The following GRIK1 variants were observed in gnomAD, a reference collection of about 807,000 sequenced individuals.
GRIK1 encodes the protein glutamate ionotropic receptor kainate type subunit 1, also known as glutamate receptor ionotropic, kainate 1.
GRIK1 carries 69 observed loss-of-function variants against 105.7 expected under a neutral mutation model. The ratio of observed to expected loss-of-function variants is 0.65; its 90% CI spans 0.54 to 0.80. The LOEUF is 0.80. GRIK1 is among the 30% of genes least tolerant of loss of function. The probability of loss-of-function intolerance (pLI) is 0.00; values close to 1 mark genes in which losing one functional copy is unlikely to be tolerated. For missense variants in GRIK1, 1,109 were observed against 1,167.3 expected, an observed-to-expected ratio of 0.95 and a Z score of 0.73; for synonymous variants, 438 against 431.3, an observed-to-expected ratio of 1.02 and a Z score of -0.19.
intron 1 of GRIK1, among the ~76,000 whole-genome samples, chr21:29,874,497 G>A (rs755287436): frequency 2.0e-5 from 3 of 152,110 alleles, no homozygotes; most frequent in African/African-American, 4.8e-5. Context: ...AACAAAATGC[G>A]AACAATGGAG....
intron 1 of GRIK1, among the ~76,000 whole-genome samples, chr21:29,774,657 G>A (rs1472088361): frequency 7.2e-5 from 11 of 151,964 alleles, no homozygotes; most frequent in Admixed American, 6.6e-4. Context: ...TTACCATATT[G>A]GCCAGGCTGG....
At chr21:29,752,125 T>G (rs774395341) in intron 1 of GRIK1, among the ~76,000 whole-genome samples, 4 of 152,218 alleles carry the variant, frequency 2.6e-5, no homozygotes, top group African/African-American at 9.6e-5. Flanking sequence ...TTCAAGAAGA[T>G]GCTGGTTTTT....
rs199847218 is a variant in GRIK1, at chr21:29,548,103, G to A, written c.2607+6949C>T. Among the ~76,000 whole-genome samples, 9 of 152,260 alleles carry A rather than the reference G, an allele frequency of 5.9e-5. No individual in the cohort carries two copies. In the East Asian group the frequency reaches 1.7e-3, roughly 29 times the overall value. ...ATTAAAATATTTTAGTTGCTAGGGGGAAATACAGTAACTTTATTCCATCAT... is the reference window on the plus strand; with the variant it reads ...ATTAAAATATTTTAGTTGCTAGGGGAAAATACAGTAACTTTATTCCATCAT... On this transcript the variant is annotated intron_variant, in intron 16 of 17. Coordinates refer to ENST00000327783, the MANE Select transcript of GRIK1 (RefSeq NM_001330994.2).
chr21:29,932,399 G>T (rs553370434), intron 1 of GRIK1, among the ~76,000 whole-genome samples: 67 of 152,116 alleles, frequency 4.4e-4, no homozygotes, highest in African/African-American at 1.6e-3. Flanking sequence ...AGATTCCTAA[G>T]TTTTTAATAA....
At chr21:29,757,173 T>G (rs1208574963) in intron 1 of GRIK1, among the ~76,000 whole-genome samples, 4 of 152,084 alleles carry the variant, frequency 2.6e-5, no homozygotes, top group South Asian at 4.1e-4. Context: ...TGCGAACCAG[T>G]GACTGAAATG....
At chr21:29,553,439 A>T in intron 16 of GRIK1, 1 of 1,405,582 alleles carries the variant, frequency 7.1e-7, no homozygotes. Flanking sequence ...GAGTTTTGCT[A>T]TCCTAAAGGA....
chr21:29,846,386 C>CA (rs1201201107), intron 1 of GRIK1, among the ~76,000 whole-genome samples: 2,963 of 34,082 alleles, frequency 0.087, 56 homozygotes, highest in South Asian at 0.21. Flanking sequence ...GAAACTCAGT[C>CA]AAAAAAAAAA....
At chr21:29,591,341 G>A (rs2061331471) in intron 9 of GRIK1, 116 bp from the exon 10 acceptor site, 2 of 736,726 alleles carry the variant, frequency 2.7e-6, no homozygotes, top group South Asian at 1.5e-5. Context: ...GGACACTGGG[G>A]CATCACAGTG....
chr21:29,747,657 C>T (rs933325719), intron 1 of GRIK1, among the ~76,000 whole-genome samples: 19 of 152,186 alleles, frequency 1.2e-4, no homozygotes, highest in Non-Finnish European at 1.3e-4. Context: ...GGTGAAACCC[C>T]GTCTCTACTA....
chr21:29,607,090 T>C (rs1042583236), intron 7 of GRIK1, among the ~76,000 whole-genome samples: 1 of 152,164 alleles, frequency 6.6e-6, no homozygotes, highest in Non-Finnish European at 1.5e-5. Flanking sequence ...GTGTATCTGA[T>C]CTGCATGTGG....
chr21:29,685,359 T>C (rs2063468808), intron 3 of GRIK1, among the ~76,000 whole-genome samples: 1 of 152,090 alleles, frequency 6.6e-6, no homozygotes, highest in Non-Finnish European at 1.5e-5. Flanking sequence ...TAAGGACAAG[T>C]TAAAGTAGAG....
chr21:29,932,757 A>C (rs1340576725), intron 1 of GRIK1, among the ~76,000 whole-genome samples: 1 of 152,006 alleles, frequency 6.6e-6, no homozygotes, highest in Non-Finnish European at 1.5e-5. Context: ...TGTTGCCATG[A>C]AAATTTGTCA....
chr21:29,864,141 G>A (rs1252163984), intron 1 of GRIK1, among the ~76,000 whole-genome samples: 1 of 151,140 alleles, frequency 6.6e-6, no homozygotes, highest in Non-Finnish European at 1.5e-5. Context: ...GAGGTATATT[G>A]TGAAGACTGT....
At chr21:29,601,265 G>C (rs1238627743) in intron 7 of GRIK1, 1 of 498,394 alleles carries the variant, frequency 2.0e-6, no homozygotes, top group Admixed American at 2.0e-5. Context: ...TTGAGAACAG[G>C]AGATTACATC....
chr21:29,692,574 G>GT (rs1214843864), intron 2 of GRIK1, among the ~76,000 whole-genome samples: 3 of 152,088 alleles, frequency 2.0e-5, no homozygotes, highest in African/African-American at 4.8e-5. Context: ...TGTTGTTAAT[G>GT]TTTTTTGTTT....
intron 1 of GRIK1, among the ~76,000 whole-genome samples, chr21:29,904,102 C>A (rs1028103057): frequency 6.6e-6 from 1 of 152,102 alleles, no homozygotes; most frequent in Non-Finnish European, 1.5e-5. Context: ...GGGAGGGGAA[C>A]ATCACACACC....
intron 8 of GRIK1, 138 bp from the exon 9 acceptor site, chr21:29,596,708 A>G (rs1158233473): frequency 2.8e-6 from 2 of 722,372 alleles, no homozygotes; most frequent in South Asian, 1.5e-5. Flanking sequence ...ATCTTAATTC[A>G]ATATAAAGCC....
intron 4 of GRIK1, among the ~76,000 whole-genome samples, chr21:29,666,776 C>G (rs1360896837): frequency 6.6e-6 from 1 of 152,194 alleles, no homozygotes; most frequent in Non-Finnish European, 1.5e-5. Context: ...TCAAGAAGTG[C>G]AAGGCTTAAC....
chr21:29,707,165 A>T (rs2063928640), intron 1 of GRIK1, among the ~76,000 whole-genome samples: 3 of 152,082 alleles, frequency 2.0e-5, no homozygotes, highest in Non-Finnish European at 4.4e-5. Flanking sequence ...CGCCCGGGCT[A>T]TTCCAGGCAT....
Sources: gnomAD v4.1 joint callset for allele counts (sites outside exome capture counted in the v4.1 genomes callset) on GRCh38, gnomAD v4.1.1 for gene constraint, MANE v1.5 for transcripts, NCBI Gene and HGNC (gene_info 2026-07-23, HGNC 2026-07-21) for gene names.